AK9: variants seen among roughly 807,000 people sequenced by gnomAD.
AK9 encodes the protein adenylate kinase domain containing 1.
In AK9, 191 loss-of-function variants were observed where a neutral mutation model predicts 239.6. That is an observed-to-expected ratio of 0.80 (90% CI 0.71 to 0.90). The LOEUF is 0.90. Among genes scored for constraint, AK9 ranks in the 40% least tolerant of loss-of-function variants. The pLI is 0.00. For synonymous variants in AK9, 689 were observed against 721.0 expected (o/e 0.96, Z 0.71); for missense variants, 1,995 against 2,214.7 (o/e 0.90, Z 1.99).
At chr6:109,603,875 C>A (rs1396895965) in intron 17 of AK9, among the ~76,000 whole-genome samples, 1 of 152,174 alleles carries the variant, frequency 6.6e-6, no homozygotes, top group Non-Finnish European at 1.5e-5. Context: ...CCGAGCCAGG[C>A]GCAGGATATA....
chr6:109,573,239 G>A (rs1008660901), intron 21 of AK9, among the ~76,000 whole-genome samples: 1 of 151,666 alleles, frequency 6.6e-6, no homozygotes, highest in Admixed American at 6.6e-5. Flanking sequence ...GTGCTCCTGT[G>A]TGCCAGTGCT....
intron 10 of AK9, among the ~76,000 whole-genome samples, chr6:109,638,068 A>G (rs1796941462): frequency 6.6e-6 from 1 of 152,208 alleles, no homozygotes; most frequent in Non-Finnish European, 1.5e-5. Context: ...ACTCCAGCAT[A>G]CACAGCCACA....
At chr6:109,555,462 T>G (rs1422797249) in intron 24 of AK9, among the ~76,000 whole-genome samples, 4 of 152,210 alleles carry the variant, frequency 2.6e-5, no homozygotes, top group South Asian at 4.1e-4. Context: ...AAGTGCCATG[T>G]GGCACTGAGA....
chr6:109,606,824 TA>T (rs1409169968), intron 17 of AK9, among the ~76,000 whole-genome samples: 1 of 152,220 alleles, frequency 6.6e-6, no homozygotes, highest in Non-Finnish European at 1.5e-5. Context: ...ATGAACAAAA[TA>T]ATTTCTGTGC....
intron 27 of AK9, among the ~76,000 whole-genome samples, chr6:109,537,245 TG>T (rs935878075): frequency 4.6e-4 from 70 of 152,218 alleles, no homozygotes; most frequent in Middle Eastern, 3.4e-3. Flanking sequence ...GGACTTTTTT[TG>T]GTTGGTAGGC....
chr6:109,634,060 G>A (rs1796437306), intron 10 of AK9, among the ~76,000 whole-genome samples: 2 of 152,156 alleles, frequency 1.3e-5, no homozygotes, highest in African/African-American at 4.8e-5. Flanking sequence ...GAGTATTATG[G>A]TTTGAATGTC....
intron 19 of AK9, 45 bp from the exon 20 acceptor site, chr6:109,579,671 C>T: frequency 6.8e-7 from 1 of 1,464,946 alleles, no homozygotes. Flanking sequence ...GAAATTCAGA[C>T]TTCTCACACT....
chr6:109,519,442 T>TA (rs1472749708), intron 29 of AK9, among the ~76,000 whole-genome samples: 1 of 152,170 alleles, frequency 6.6e-6, no homozygotes, highest in Admixed American at 6.6e-5. Flanking sequence ...CAAGAGTGTA[T>TA]AAGTATTCCC....
intron 29 of AK9, among the ~76,000 whole-genome samples, chr6:109,517,282 C>T (rs1349987959): frequency 6.6e-6 from 1 of 152,142 alleles, no homozygotes; most frequent in African/African-American, 2.4e-5. Context: ...AACACTGCCT[C>T]CAACCTGCCA....
intron 24 of AK9, among the ~76,000 whole-genome samples, chr6:109,553,311 G>T (rs1388175556): frequency 6.6e-6 from 1 of 152,128 alleles, no homozygotes; most frequent in East Asian, 1.9e-4. Context: ...CCATTTTCAT[G>T]ATATTGATTC....
intron 35 of AK9, among the ~76,000 whole-genome samples, chr6:109,503,841 C>T (rs1582742394): frequency 6.6e-6 from 1 of 152,132 alleles, no homozygotes. Context: ...GGGTGGCCTG[C>T]GGTCAATGAC....
At chr6:109,498,935 T>C (rs1050105287) in intron 36 of AK9, 109 bp downstream of exon 36, 60 of 916,664 alleles carry the variant, frequency 6.5e-5, no homozygotes, top group Non-Finnish European at 9.2e-5. Flanking sequence ...GTTCCAGTAA[T>C]GGGGCTCCTA....
chr6:109,564,221 T>C lies in AK9; in HGVS notation c.2494A>G (p.Lys832Glu), dbSNP rs1382988609. Residue 832 changes from lysine (K) to glutamate (E), a missense_variant, in exon 23 of 41, where the codon AAA (lysine) becomes GAA (glutamate). Lys to Glu is a moderately conservative substitution (Grantham distance 56). This residue lies in a region of AK9 where 1,290 missense variants were observed against 1,392.7 expected (regional missense o/e 0.93). Transcript: ENST00000424296. ...YPDVPEMEPF[K>E]EKIGSFIILW... Reference sequence around the variant, plus strand: ...ATGATGAAAGAACCAATCTTCTCTTTAAATGGCTCCATTTCGGGAACATCA... The same window carrying C: ...ATGATGAAAGAACCAATCTTCTCTTCAAATGGCTCCATTTCGGGAACATCA... 1 of 1,551,444 alleles carries C rather than the reference T, an allele frequency of 6.4e-7. No individual in the cohort carries two copies.
intron 9 of AK9, 37 bp from the exon 10 acceptor site, chr6:109,641,653 T>G (rs574582031): frequency 6.5e-7 from 1 of 1,529,780 alleles, no homozygotes; most frequent in African/African-American, 1.4e-5. Flanking sequence ...TACATTGGCA[T>G]CTGAATATCT....
At chr6:109,669,434 G>T (rs1801752676) in intron 5 of AK9, among the ~76,000 whole-genome samples, 1 of 152,042 alleles carries the variant, frequency 6.6e-6, no homozygotes, top group South Asian at 2.1e-4. Flanking sequence ...TGTTGAATAG[G>T]AGTGGTGAGA....
intron 38 of AK9, among the ~76,000 whole-genome samples, chr6:109,497,145 C>A (rs1434302033): frequency 6.6e-6 from 1 of 151,962 alleles, no homozygotes; most frequent in Non-Finnish European, 1.5e-5. Flanking sequence ...CTTCATCTAG[C>A]CAATTCCCAC....
chr6:109,552,820 GT>G (rs1178250558), intron 24 of AK9, among the ~76,000 whole-genome samples: 1 of 151,944 alleles, frequency 6.6e-6, no homozygotes, highest in Non-Finnish European at 1.5e-5. Flanking sequence ...TTTCTTCTAC[GT>G]TTTTTTATGC....
intron 17 of AK9, among the ~76,000 whole-genome samples, chr6:109,594,246 T>G (rs1284614079): frequency 6.6e-6 from 1 of 152,182 alleles, no homozygotes; most frequent in Admixed American, 6.5e-5. Flanking sequence ...AGCCAAATCA[T>G]GAGTGAACTC....
intron 17 of AK9, among the ~76,000 whole-genome samples, chr6:109,604,041 G>A (rs1311848894): frequency 6.6e-6 from 1 of 151,618 alleles, no homozygotes; most frequent in African/African-American, 2.4e-5. Flanking sequence ...ATGCTTCACC[G>A]TGCTTCAGCT....
Sources: allele counts gnomAD v4.1 joint callset (sites outside exome capture counted in the v4.1 genomes callset), GRCh38; gene constraint gnomAD v4.1.1; regional missense constraint gnomAD v4.1.1; transcripts MANE v1.5; gene names NCBI Gene and HGNC (gene_info 2026-07-23, HGNC 2026-07-21).